GALNT1: variants seen among roughly 807,000 people sequenced by gnomAD.
The protein encoded by GALNT1 is GalNAc transferase 1.
GALNT1 carries 17 observed loss-of-function variants against 65.7 expected under a neutral mutation model. That is an observed-to-expected ratio of 0.26 (90% confidence interval 0.18 to 0.39). The LOEUF is 0.39. GALNT1 is among the 10% of genes least tolerant of loss of function. The pLI, the probability that GALNT1 is intolerant of heterozygous loss-of-function variation, is 1.00. For synonymous variants in GALNT1, 210 were observed against 219.7 expected, an observed-to-expected ratio of 0.96 and a Z score of 0.39; for missense variants, 460 against 672.8, an observed-to-expected ratio of 0.68 and a Z score of 3.50.
At chr18:35,692,048 C>A in intron 8 of GALNT1, 133 bp from the exon 9 acceptor site, 1 of 676,834 alleles carries the variant, frequency 1.5e-6, no homozygotes, top group Non-Finnish European at 2.5e-6. Flanking sequence ...TTCATGGTGT[C>A]TCCACTTGTA....
chr18:35,600,639 C>A (rs1300731694), intron 1 of GALNT1, among the ~76,000 whole-genome samples: 1 of 152,074 alleles, frequency 6.6e-6, no homozygotes. Flanking sequence ...CCATTCAGTA[C>A]AATGTTAGCT....
At position 35,683,504 on chromosome 18, in the gene GALNT1, G is replaced by GT. The variant is rs1377206665; in HGVS notation, c.596dup (p.Ser200ValfsTer2). ...CAGAGCTAGATTAAAAGGAGCTGCTGTGTCTAAAGGCCAAGTGATCACCTT... is the reference window on the plus strand; with the variant it reads ...CAGAGCTAGATTAAAAGGAGCTGCTGTTGTCTAAAGGCCAAGTGATCACCTT... On this transcript the variant is annotated frameshift_variant, in exon 5 of 12. Coordinates refer to ENST00000269195, the MANE Select transcript of GALNT1 (RefSeq NM_020474.4). LOFTEE classifies it high-confidence loss of function. 6.2e-7 allele frequency: 1 copy of GT among 1,613,770 alleles called. No individual in the cohort carries two copies. The highest frequency in any genetic ancestry group is 1.3e-5 in the African/African-American group (1 of 74,914).
At chr18:35,687,955 G>T (rs906806184) in intron 6 of GALNT1, among the ~76,000 whole-genome samples, 1 of 152,196 alleles carries the variant, frequency 6.6e-6, no homozygotes, top group African/African-American at 2.4e-5. Flanking sequence ...ACACTGAAGA[G>T]ATTTTCCACT....
chr18:35,601,835 C>T (rs2046586378), intron 1 of GALNT1, among the ~76,000 whole-genome samples: 4 of 152,140 alleles, frequency 2.6e-5, no homozygotes, highest in Admixed American at 2.6e-4. Context: ...TGTCTTATGA[C>T]TTAACAGGTT....
chr18:35,647,914 G>A (rs1339282743), intron 1 of GALNT1, among the ~76,000 whole-genome samples: 2 of 152,026 alleles, frequency 1.3e-5, no homozygotes, highest in Non-Finnish European at 2.9e-5. Flanking sequence ...AGGCGTGGTG[G>A]TGCGTGCCTG....
At chr18:35,668,855 A>C (rs1012871211) in intron 3 of GALNT1, among the ~76,000 whole-genome samples, 56 of 152,228 alleles carry the variant, frequency 3.7e-4, no homozygotes, top group Admixed American at 3.5e-3. Context: ...AGATGAAATT[A>C]GTAGTTCCTA....
intron 1 of GALNT1, among the ~76,000 whole-genome samples, chr18:35,621,977 A>G (rs1466099575): frequency 6.6e-6 from 1 of 152,158 alleles, no homozygotes; most frequent in Non-Finnish European, 1.5e-5. Flanking sequence ...ATTAGTTACC[A>G]TATCTTGATA....
At chr18:35,694,774 G>A (rs757385640) in intron 9 of GALNT1, among the ~76,000 whole-genome samples, 7 of 152,154 alleles carry the variant, frequency 4.6e-5, no homozygotes, top group Non-Finnish European at 8.8e-5. Context: ...TGGTTCTAAA[G>A]ACAAGCTACA....
chr18:35,681,562 C>T (rs557875425), intron 4 of GALNT1, among the ~76,000 whole-genome samples: 25 of 151,880 alleles, frequency 1.6e-4, no homozygotes, highest in Non-Finnish European at 3.2e-4. Context: ...GATTAGATTG[C>T]TTTAGTTCTG....
At chr18:35,665,334 C>T (rs2047534400) in intron 3 of GALNT1, among the ~76,000 whole-genome samples, 1 of 152,048 alleles carries the variant, frequency 6.6e-6, no homozygotes, top group South Asian at 2.1e-4. Context: ...AAGAAAAATG[C>T]ACCAAAGAGA....
At chr18:35,633,723 T>C (rs2047052361) in intron 1 of GALNT1, among the ~76,000 whole-genome samples, 1 of 152,108 alleles carries the variant, frequency 6.6e-6, no homozygotes, top group Admixed American at 6.6e-5. Flanking sequence ...GATTGGACTT[T>C]ATGCCTCATA....
At chr18:35,614,938 T>C (rs2046764318) in intron 1 of GALNT1, among the ~76,000 whole-genome samples, 1 of 151,980 alleles carries the variant, frequency 6.6e-6, no homozygotes, top group Non-Finnish European at 1.5e-5. Context: ...TATAGAAATA[T>C]ATCGAAGGAC....
intron 8 of GALNT1, among the ~76,000 whole-genome samples, chr18:35,691,866 T>C (rs2047969478): frequency 6.6e-6 from 1 of 152,228 alleles, no homozygotes; most frequent in Non-Finnish European, 1.5e-5. Flanking sequence ...AAACAATTGC[T>C]CTGTTTAATA....
chr18:35,678,145 T>C (rs1215675427), intron 4 of GALNT1, among the ~76,000 whole-genome samples: 2 of 152,128 alleles, frequency 1.3e-5, no homozygotes, highest in Non-Finnish European at 2.9e-5. Context: ...TGTAGTTCCA[T>C]GTTTAGTAGG....
intron 1 of GALNT1, among the ~76,000 whole-genome samples, chr18:35,586,323 A>G (rs1598777663): frequency 6.6e-6 from 1 of 151,990 alleles, no homozygotes; most frequent in Admixed American, 6.5e-5. Flanking sequence ...AGACTTGTTT[A>G]TTCTTTATAT....
chr18:35,642,585 G>A (rs922220432), intron 1 of GALNT1, among the ~76,000 whole-genome samples: 2 of 152,098 alleles, frequency 1.3e-5, no homozygotes, highest in African/African-American at 4.8e-5. Flanking sequence ...ATTTATTTCC[G>A]TGACATGTTT....
Position 35,691,038 on chromosome 18 carries a change from A to G in GALNT1, c.1005A>G (p.Glu335=), listed in dbSNP as rs755598252. Residue 335 remains glutamate, a synonymous_variant, in exon 8 of 12, where the codon GAA becomes GAG. Coordinates refer to ENST00000269195, the MANE Select transcript of GALNT1 (RefSeq NM_020474.4). The part of the protein sequence containing the change: ...FRIWQCGGTL[E]IVTCSHVGHV... ...TTTGGCAGTGTGGAGGAACTTTGGA[A>G]ATTGTTACATGCTCACATGTTGGAC... is the stretch of plus-strand genomic sequence containing the variant. 6.2e-7 allele frequency: 1 copy of G among 1,604,494 alleles called. No individual in the cohort carries two copies. Among genetic ancestry groups the G allele is most frequent in the Non-Finnish European group, 8.5e-7 (1 of 1,176,438 alleles).
intron 3 of GALNT1, among the ~76,000 whole-genome samples, chr18:35,665,940 A>G (rs955532190): frequency 6.6e-6 from 1 of 152,172 alleles, no homozygotes; most frequent in Non-Finnish European, 1.5e-5. Flanking sequence ...CAGCTTGTGT[A>G]AGAAATGGTG....
chr18:35,584,691 T>C (rs1368508573), intron 1 of GALNT1, among the ~76,000 whole-genome samples: 1 of 152,234 alleles, frequency 6.6e-6, no homozygotes, highest in Non-Finnish European at 1.5e-5. Context: ...GATGAAACCG[T>C]TACACCTCAG....
Sources: gnomAD v4.1 joint callset for allele counts (sites outside exome capture counted in the v4.1 genomes callset) on GRCh38, gnomAD v4.1.1 for gene constraint, MANE v1.5 for transcripts, NCBI Gene and HGNC (gene_info 2026-07-23, HGNC 2026-07-21) for gene names.